The following SHISA9 variants were observed in gnomAD, a reference collection of about 807,000 sequenced individuals.
SHISA9 encodes the protein protein shisa-9.
In SHISA9, 13 loss-of-function variants were observed where a neutral mutation model predicts 38.0. That is an observed-to-expected ratio of 0.34 (90% CI 0.22 to 0.54). The LOEUF (loss-of-function observed/expected upper bound fraction) is 0.54. SHISA9 is among the 20% of genes least tolerant of loss of function. The pLI is 0.91. For missense variants in SHISA9, 538 were observed against 575.8 expected (o/e 0.93, Z 0.67); for synonymous variants, 275 against 242.0 (o/e 1.14, Z -1.27).
the SHISA9 span, among the ~76,000 whole-genome samples, chr16:13,302,946 C>A: frequency 6.6e-6 from 1 of 152,078 alleles, no homozygotes; most frequent in Non-Finnish European, 1.5e-5. Flanking sequence ...CCGTGTAAGA[C>A]GTGTATAATT....
At chr16:12,929,957 T>C (rs1042480859) in intron 2 of SHISA9, among the ~76,000 whole-genome samples, 1 of 152,188 alleles carries the variant, frequency 6.6e-6, no homozygotes, top group African/African-American at 2.4e-5. Context: ...TGTTATCTTT[T>C]TGGGGGGCCT....
chr16:13,281,192 C>T, the SHISA9 span, among the ~76,000 whole-genome samples: 1 of 151,636 alleles, frequency 6.6e-6, no homozygotes, highest in Non-Finnish European at 1.5e-5. Context: ...ACAACTTACC[C>T]AAAGTTATAC....
the SHISA9 span, among the ~76,000 whole-genome samples, chr16:13,377,590 C>G: frequency 6.6e-6 from 1 of 152,204 alleles, no homozygotes; most frequent in African/African-American, 2.4e-5. Flanking sequence ...AATGTACAAA[C>G]ACATACGTGG....
chr16:13,123,532 G>C (rs1483797082), intron 2 of SHISA9, among the ~76,000 whole-genome samples: 1 of 152,348 alleles, frequency 6.6e-6, no homozygotes, highest in African/African-American at 2.4e-5. Context: ...ACAGGAAGAA[G>C]TGCTATACTG....
At chr16:13,459,968 C>T in the SHISA9 span, among the ~76,000 whole-genome samples, 5 of 152,258 alleles carry the variant, frequency 3.3e-5, no homozygotes, top group African/African-American at 1.2e-4. Flanking sequence ...AGTGCAGTGG[C>T]ATGATCTCTG....
the SHISA9 span, among the ~76,000 whole-genome samples, chr16:13,415,224 T>C: frequency 6.6e-6 from 1 of 152,216 alleles, no homozygotes; most frequent in Admixed American, 6.5e-5. Flanking sequence ...GAAGAAAATG[T>C]GGTACATATA....
chr16:13,303,273 T>C, the SHISA9 span, among the ~76,000 whole-genome samples: 1 of 152,168 alleles, frequency 6.6e-6, no homozygotes, highest in Admixed American at 6.5e-5. Context: ...TACATGTGCA[T>C]GTATGTTCAT....
At chr16:13,504,068 C>T in the SHISA9 span, among the ~76,000 whole-genome samples, 1 of 152,138 alleles carries the variant, frequency 6.6e-6, no homozygotes, top group Non-Finnish European at 1.5e-5. Flanking sequence ...CCTAGTGTGT[C>T]AAAATGAGCA....
the SHISA9 span, among the ~76,000 whole-genome samples, chr16:13,276,884 T>A: frequency 6.6e-6 from 1 of 152,068 alleles, no homozygotes; most frequent in East Asian, 1.9e-4. Context: ...CTCTACTGAC[T>A]GTTCCTTTTA....
chr16:13,424,791 G>T, the SHISA9 span, among the ~76,000 whole-genome samples: 14 of 152,292 alleles, frequency 9.2e-5, no homozygotes, highest in East Asian at 2.7e-3. Flanking sequence ...AAAATAAAGC[G>T]TAGACCAGAA....
At position 13,223,791 on chromosome 16, in the gene SHISA9, A is replaced by G. The variant is rs190940318; in HGVS notation, c.895+10491A>G. On this transcript the variant is annotated intron_variant, in intron 4 of 4. Coordinates refer to ENST00000558583, the MANE Select transcript of SHISA9 (RefSeq NM_001145204.3). ...TGCCTTACATGGCAGCAGGCAAGAG[A>G]GGGCATGTGCAGAGGAATTCCCCTT... Among the ~76,000 whole-genome samples, 233 of 152,330 alleles carry G rather than the reference A, an allele frequency of 1.5e-3. 1 individual carries two copies. The highest frequency in any genetic ancestry group is 5.2e-3 in the African/African-American group (216 of 41,582).
chr16:13,085,743 G>T (rs922528261), intron 2 of SHISA9, among the ~76,000 whole-genome samples: 1 of 152,134 alleles, frequency 6.6e-6, no homozygotes, highest in African/African-American at 2.4e-5. Context: ...TACCTTCGCA[G>T]TCTTATTTCT....
chr16:13,243,924 C>T (rs1021927467), downstream of SHISA9, among the ~76,000 whole-genome samples: 8 of 152,030 alleles, frequency 5.3e-5, no homozygotes, highest in African/African-American at 1.9e-4. Flanking sequence ...AGGCACGCAC[C>T]ACCACACCTG....
At chr16:13,004,686 A>C (rs1330469530) in intron 2 of SHISA9, among the ~76,000 whole-genome samples, 1 of 152,002 alleles carries the variant, frequency 6.6e-6, no homozygotes, top group Non-Finnish European at 1.5e-5. Flanking sequence ...GCACTTTGGG[A>C]GGCCAAGGTG....
chr16:13,010,102 C>A (rs921282778), intron 2 of SHISA9, among the ~76,000 whole-genome samples: 3 of 152,032 alleles, frequency 2.0e-5, no homozygotes, highest in Non-Finnish European at 2.9e-5. Flanking sequence ...CGCTTGAGCC[C>A]AGGAGGTTGA....
the SHISA9 span, among the ~76,000 whole-genome samples, chr16:13,502,055 T>C: frequency 9.7e-4 from 147 of 151,114 alleles, no homozygotes; most frequent in Non-Finnish European, 1.8e-3. Context: ...GATGGATGAA[T>C]GGAAGGATGG....
At chr16:13,558,336 T>C in the SHISA9 span, among the ~76,000 whole-genome samples, 5 of 152,146 alleles carry the variant, frequency 3.3e-5, no homozygotes, top group African/African-American at 1.2e-4. Flanking sequence ...AATACATAGT[T>C]TCAGGCTTAT....
chr16:13,487,428 C>A, the SHISA9 span, among the ~76,000 whole-genome samples: 1 of 152,294 alleles, frequency 6.6e-6, no homozygotes, highest in Non-Finnish European at 1.5e-5. Flanking sequence ...GAAGAGGGAG[C>A]AGTTGTCTCA....
intron 2 of SHISA9, among the ~76,000 whole-genome samples, chr16:13,005,908 C>T (rs577431540): frequency 4.6e-5 from 7 of 152,244 alleles, no homozygotes; most frequent in Admixed American, 3.3e-4. Context: ...TGGGTGACCT[C>T]GGCATATGAG....
Sources: allele counts gnomAD v4.1 joint callset (sites outside exome capture counted in the v4.1 genomes callset), GRCh38; gene constraint gnomAD v4.1.1; transcripts MANE v1.5; gene names NCBI Gene and HGNC (gene_info 2026-07-23, HGNC 2026-07-21).